LMNB2: variants seen among roughly 807,000 people sequenced by gnomAD.
LMNB2 encodes lamin-B2.
LMNB2 carries 17 observed loss-of-function variants against 69.3 expected under a neutral mutation model. The observed-to-expected ratio is 0.25, with a 90% CI of 0.17 to 0.37. LMNB2 has a LOEUF of 0.37. Among genes scored for constraint, LMNB2 ranks in the 10% least tolerant of loss-of-function variants. The probability of loss-of-function intolerance (pLI) is 1.00; values close to 1 mark genes in which losing one functional copy is unlikely to be tolerated. For synonymous variants in LMNB2, 397 were observed against 389.3 expected (o/e 1.02, Z -0.23); for missense variants, 789 against 883.6 (o/e 0.89, Z 1.36).
rs1971805595 is a variant in LMNB2 at position 2,435,102 on chromosome 19, A to C, written c.754T>G (p.Tyr252Asp). The change falls in exon 5 of 12, where the codon TAC (tyrosine) becomes GAC (aspartate). Residue 252 changes from tyrosine to aspartate, a missense_variant. Around this residue, in one of 3 missense-constraint regions of LMNB2, gnomAD observed 609 missense variants for 630.9 expected, o/e 0.97. Transcript: ENST00000325327. ...VEVDSSRQQE[Y>D]DFKMAQALEE... ...AGCGCCTGTGCCATCTTGAAGTCGT[A>C]CTCCTGCTGCCGGCTGCTGTCCACC... 6.2e-7 allele frequency: 1 copy of C among 1,609,118 alleles called. No homozygotes were observed. The highest frequency in any genetic ancestry group is 8.5e-7 in the Non-Finnish European group (1 of 1,179,664).
chr19:2,448,264 C>T (rs1456247534), intron 1 of LMNB2, among the ~76,000 whole-genome samples: 1 of 152,144 alleles, frequency 6.6e-6, no homozygotes, highest in East Asian at 1.9e-4. Flanking sequence ...GTCTGCCTCT[C>T]CCTCAAAGCT....
Position 2,438,380 on chromosome 19 carries a change from C to T in LMNB2, c.553G>A (p.Ala185Thr). Residue 185 changes from alanine (A) to threonine (T), a missense_variant, in exon 3 of 12, where the codon GCC (alanine) becomes ACC (threonine). Transcript: ENST00000325327. The part of the protein sequence containing the change: ...SDVAELRAQL[A>T]KAEDGHAVAK... ...CCGTGGCTCCTGGCACCTACCTTGGCCAGCTGGGCCCGCAGCTCAGCCACG... is the reference window on the plus strand; with the variant it reads ...CCGTGGCTCCTGGCACCTACCTTGGTCAGCTGGGCCCGCAGCTCAGCCACG... 2 of 1,613,010 alleles carry T rather than the reference C, an allele frequency of 1.2e-6. No individual in the cohort carries two copies. The highest frequency in any genetic ancestry group is 1.7e-6 in the Non-Finnish European group (2 of 1,179,908).
Position 2,430,919 on chromosome 19 carries a change from C to G in LMNB2, c.1855G>C (p.Val619Leu). Residue 619 changes from valine (V) to leucine (L), a missense_variant, in exon 12 of 12, where the codon GTG becomes CTG. Transcript: ENST00000325327. ...DPRTTSRGCY[V>L]M Reference sequence around the variant, plus strand: ...GGATGAGGAGTGTGGGTTCACATCACGTAGCAGCCTCTTGAGGTGGTCCTC... The same window carrying G: ...GGATGAGGAGTGTGGGTTCACATCAGGTAGCAGCCTCTTGAGGTGGTCCTC... The G allele has an allele frequency of 6.2e-7, 1 of 1,604,700 alleles. No individual in the cohort carries two copies. The highest frequency in any genetic ancestry group is 8.5e-7 in the Non-Finnish European group (1 of 1,171,542).
intron 1 of LMNB2, among the ~76,000 whole-genome samples, chr19:2,454,244 G>C (rs929281839): frequency 5.6e-5 from 8 of 142,100 alleles, no homozygotes; most frequent in African/African-American, 1.9e-4. Context: ...GGGGAGCTAA[G>C]ATCGCGCCAC....
In LMNB2 at chr19:2,435,344, G is replaced by A. The variant is rs571365960; in HGVS notation, c.685-173C>T. Among the ~76,000 whole-genome samples, 9 of 152,322 alleles carry A rather than the reference G, an allele frequency of 5.9e-5. No homozygotes were observed. In the South Asian group the frequency reaches 1.4e-3, roughly 25 times the overall value. ...GAGGCGACCCAGGGGCCGTCCACGC[G>A]CTAGAACGTGACTCAGCCACGAAAA... On this transcript the variant is annotated intron_variant, in intron 4 of 11. Coordinates refer to ENST00000325327, the MANE Select transcript of LMNB2 (RefSeq NM_032737.4).
rs374633372 is a variant in LMNB2, at chr19:2,434,528, C to T, written c.982-13G>A. On this transcript the variant is annotated splice_polypyrimidine_tract_variant and intron_variant, in intron 6 of 11. Transcript: ENST00000325327. ...CAGCGGCACTGGCCTGCGGAGGGGG[C>T]GGGTGGCGAAGGTCAGGGCAGCCCA... The T allele has an allele frequency of 6.5e-5, 105 of 1,609,396 alleles. No homozygotes were observed. Among genetic ancestry groups the T allele is most frequent in the Non-Finnish European group, 8.4e-5 (99 of 1,179,280 alleles).
chr19:2,448,106 C>A (rs761397618), intron 1 of LMNB2, among the ~76,000 whole-genome samples: 1 of 152,236 alleles, frequency 6.6e-6, no homozygotes, highest in Non-Finnish European at 1.5e-5. Flanking sequence ...CCGGCCACCC[C>A]CAAGCCCTCC....
intron 7 of LMNB2, 69 bp downstream of exon 7, chr19:2,434,226 G>C (rs995682052): frequency 6.6e-7 from 1 of 1,506,198 alleles, no homozygotes; most frequent in Non-Finnish European, 9.0e-7. Context: ...CCGCAGCCCC[G>C]TCCCGCCTCT....
chr19:2,444,297 T>G (rs1971929345), intron 2 of LMNB2, 107 bp downstream of exon 2: 4 of 1,321,564 alleles, frequency 3.0e-6, no homozygotes, highest in African/African-American at 2.9e-5. Flanking sequence ...AGCTCCAGGC[T>G]GTGCCCGTAT....
In LMNB2 at chr19:2,433,899, G is replaced by A; in HGVS notation, c.1409C>T (p.Ala470Val). 1.9e-6 allele frequency: 3 copies of A among 1,612,288 alleles called. No homozygotes were observed. In the African/African-American group the frequency reaches 4.0e-5, roughly 21 times the overall value. ...GGFHLAQQAS[A>V]SGSVSIEEID... ...CTCCTCGATGCTGACGCTACCCGAGGCCGAGGCCTGCTGGGCCAGGTGGAA... is the reference window on the plus strand; with the variant it reads ...CTCCTCGATGCTGACGCTACCCGAGACCGAGGCCTGCTGGGCCAGGTGGAA... The change falls in exon 8 of 12, where the codon GCC becomes GTC. Residue 470 changes from alanine to valine, a missense_variant. Transcript: ENST00000325327.
chr19:2,438,074 C>A (rs905270946), intron 4 of LMNB2, 89 bp downstream of exon 4: 1 of 1,588,842 alleles, frequency 6.3e-7, no homozygotes, highest in Non-Finnish European at 8.6e-7. Flanking sequence ...CCCGGCCACA[C>A]GGTGCCCTCA....
chr19:2,442,797 T>C (rs976043415), intron 2 of LMNB2, among the ~76,000 whole-genome samples: 2 of 152,128 alleles, frequency 1.3e-5, no homozygotes, highest in African/African-American at 4.8e-5. Flanking sequence ...CTCAGGAGAT[T>C]GTGAACTGGG....
chr19:2,441,840 C>T (rs1027148167), intron 2 of LMNB2, among the ~76,000 whole-genome samples: 3 of 152,204 alleles, frequency 2.0e-5, no homozygotes, highest in Non-Finnish European at 4.4e-5. Flanking sequence ...TCCAGGCAGG[C>T]GAGCAGCAGT....
At chr19:2,444,838 G>A (rs932186731) in intron 1 of LMNB2, among the ~76,000 whole-genome samples, 1 of 152,214 alleles carries the variant, frequency 6.6e-6, no homozygotes, top group African/African-American at 2.4e-5. Context: ...CTCTCCACGA[G>A]CTCCAGCTCC....
intron 2 of LMNB2, among the ~76,000 whole-genome samples, chr19:2,440,746 A>C (rs1971890739): frequency 6.7e-6 from 1 of 148,362 alleles, no homozygotes; most frequent in African/African-American, 2.5e-5. Context: ...CCATCTATCC[A>C]CTCATCCATC....
intron 4 of LMNB2, chr19:2,437,053 C>G (rs116225736): frequency 0.031 from 4,651 of 151,710 alleles, 262 homozygotes; most frequent in African/African-American, 0.11. Flanking sequence ...TCCTGTGGGG[C>G]CCCCCCCACT....
At chr19:2,436,679 A>ACCCTCCCGCCACCACGGCCG (rs1971828468) in intron 4 of LMNB2, 1 of 86,738 alleles carries the variant, frequency 1.2e-5, no homozygotes, top group African/African-American at 4.1e-5. Flanking sequence ...CTCCACGGCC[A>ACCCTCCCGCCACCACGGCCG]CCCTCCCGCC....
At chr19:2,435,275 T>C in intron 4 of LMNB2, 104 bp from the exon 5 acceptor site, 1 of 1,468,594 alleles carries the variant, frequency 6.8e-7, no homozygotes, top group Non-Finnish European at 9.2e-7. Context: ...AGGCAATTCC[T>C]GGTTCCTTGT....
intron 8 of LMNB2, 36 bp from the exon 9 acceptor site, chr19:2,432,559 C>T (rs1373842729): frequency 6.5e-7 from 1 of 1,550,198 alleles, no homozygotes; most frequent in South Asian, 1.1e-5. Flanking sequence ...CCTCAGCCAC[C>T]AGGACTGTGA....
Sources: allele counts gnomAD v4.1 joint callset (sites outside exome capture counted in the v4.1 genomes callset), GRCh38; gene constraint gnomAD v4.1.1; regional missense constraint gnomAD v4.1.1; transcripts MANE v1.5; gene names NCBI Gene and HGNC (gene_info 2026-07-23, HGNC 2026-07-21).